HNF4G: variants seen among roughly 807,000 people sequenced by gnomAD.
HNF4G encodes hepatocyte nuclear factor 4 gamma, also known as hepatocyte nuclear factor 4-gamma.
A neutral mutation model predicts 50.9 loss-of-function variants in HNF4G; 21 were observed. The ratio of observed to expected loss-of-function variants is 0.41; its 90% CI spans 0.29 to 0.59. The LOEUF (loss-of-function observed/expected upper bound fraction) is 0.59, where lower values mean the gene tolerates loss of function less well. HNF4G is among the 20% of genes least tolerant of loss of function. The pLI, the probability that HNF4G is intolerant of heterozygous loss-of-function variation, is 0.26. For synonymous variants in HNF4G, 198 were observed against 185.6 expected (o/e 1.07, Z -0.54); for missense variants, 527 against 559.4 (o/e 0.94, Z 0.58).
At chr8:75,473,291 C>T (rs571482785) in intron 1 of HNF4G, among the ~76,000 whole-genome samples, 16 of 149,944 alleles carry the variant, frequency 1.1e-4, no homozygotes, top group South Asian at 4.2e-4. Flanking sequence ...AGCAAGACTC[C>T]GTCTCAAAAA....
At chr8:75,493,774 T>C (rs969502169) in intron 2 of HNF4G, among the ~76,000 whole-genome samples, 11 of 152,186 alleles carry the variant, frequency 7.2e-5, no homozygotes, top group Non-Finnish European at 2.9e-5. Flanking sequence ...ATATAACAAT[T>C]AGAAAACTTT....
chr8:75,478,020 T>C (rs1812280823), intron 1 of HNF4G, among the ~76,000 whole-genome samples: 1 of 147,432 alleles, frequency 6.8e-6, no homozygotes. Context: ...TAAATATACA[T>C]TGAAATTTAG....
intron 2 of HNF4G, among the ~76,000 whole-genome samples, chr8:75,523,227 A>AAAAAAAAAAAAAAAAG (rs1460303490): frequency 1.4e-4 from 22 of 152,178 alleles, no homozygotes; most frequent in African/African-American, 5.1e-4. Flanking sequence ...CCGTCTGAAA[A>AAAAAAAAAAAAAAAAG]AAAAGAAAAA....
At chr8:75,476,835 G>T (rs949019366) in intron 1 of HNF4G, among the ~76,000 whole-genome samples, 1 of 152,170 alleles carries the variant, frequency 6.6e-6, no homozygotes, top group Non-Finnish European at 1.5e-5. Flanking sequence ...GTGAATGAAT[G>T]CATGCAGTGA....
At chr8:75,550,387 A>G (rs1287483208) in intron 3 of HNF4G, among the ~76,000 whole-genome samples, 1 of 151,532 alleles carries the variant, frequency 6.6e-6, no homozygotes, top group African/African-American at 2.4e-5. Flanking sequence ...ATCTTGGCTC[A>G]CTCTGACCTT....
intron 1 of HNF4G, among the ~76,000 whole-genome samples, chr8:75,470,803 G>T (rs910462636): frequency 6.6e-6 from 1 of 152,140 alleles, no homozygotes; most frequent in Non-Finnish European, 1.5e-5. Flanking sequence ...GAAATTATTT[G>T]CTATAAGAAA....
chr8:75,434,755 A>G (rs1811097672), intron 1 of HNF4G, among the ~76,000 whole-genome samples: 1 of 152,064 alleles, frequency 6.6e-6, no homozygotes, highest in Admixed American at 6.6e-5. Flanking sequence ...TGCAGCAGGT[A>G]TTACAATGAT....
intron 2 of HNF4G, among the ~76,000 whole-genome samples, chr8:75,518,740 A>G (rs891640310): frequency 6.0e-4 from 91 of 151,616 alleles, no homozygotes; most frequent in African/African-American, 2.1e-3. Context: ...GGCCCATGAA[A>G]TCTTTTTTTT....
chr8:75,541,258 T>A (rs749869137), intron 1 of HNF4G, among the ~76,000 whole-genome samples: 1 of 152,118 alleles, frequency 6.6e-6, no homozygotes, highest in Admixed American at 6.6e-5. Flanking sequence ...AAATAACGAT[T>A]TTGTATGGCT....
intron 1 of HNF4G, among the ~76,000 whole-genome samples, chr8:75,424,033 G>A (rs1810837526): frequency 6.6e-6 from 1 of 151,286 alleles, no homozygotes; most frequent in Non-Finnish European, 1.5e-5. Context: ...ACGTTGGCCA[G>A]GATGGTCTTG....
intron 4 of HNF4G, among the ~76,000 whole-genome samples, chr8:75,551,718 C>G (rs1367855102): frequency 6.6e-6 from 1 of 152,144 alleles, no homozygotes; most frequent in Non-Finnish European, 1.5e-5. Context: ...AAACAAATTT[C>G]AGTCTAAGAT....
At chr8:75,474,238 C>A (rs1289339382) in intron 1 of HNF4G, among the ~76,000 whole-genome samples, 1 of 152,178 alleles carries the variant, frequency 6.6e-6, no homozygotes, top group Non-Finnish European at 1.5e-5. Flanking sequence ...TTAATTTGAA[C>A]ACTGACTAGA....
chr8:75,557,368 C>T (rs989534228), intron 6 of HNF4G, among the ~76,000 whole-genome samples: 3 of 152,098 alleles, frequency 2.0e-5, no homozygotes, highest in Non-Finnish European at 4.4e-5. Context: ...GCCTGTAATC[C>T]CAGCACTTTG....
At chr8:75,456,910 A>T (rs1233117264) in intron 1 of HNF4G, among the ~76,000 whole-genome samples, 22 of 149,420 alleles carry the variant, frequency 1.5e-4, no homozygotes, top group Admixed American at 1.3e-3. Flanking sequence ...CCAAAAAAAT[A>T]AAAAAAAAAT....
intron 1 of HNF4G, among the ~76,000 whole-genome samples, chr8:75,477,301 G>A (rs1812262654): frequency 6.6e-6 from 1 of 152,144 alleles, no homozygotes; most frequent in African/African-American, 2.4e-5. Context: ...TTTTAACTGT[G>A]TACTTTCAGT....
Position 75,564,513 on chromosome 8 carries a change from A to G in HNF4G, c.*417A>G, listed in dbSNP as rs1290481070. 1 of 153,406 alleles carries G rather than the reference A, an allele frequency of 6.5e-6. No individual in the cohort carries two copies. Among genetic ancestry groups the G allele is most frequent in the Admixed American group, 6.5e-5 (1 of 15,358 alleles). 9.5% of individuals were successfully genotyped at this position (153,406 alleles called of 1,614,324 possible). A position where few individuals can be genotyped will look rare whatever the true frequency, so the allele number is the denominator to read the frequency against. The stretch of plus-strand genomic sequence containing the variant: ...TCTCAGTTTAATATAAAATGAGCTA[A>G]GTTTTTAAAAATAAATTATAAACTT... On this transcript the variant is annotated 3_prime_UTR_variant, in exon 10 of 10. Transcript: ENST00000396423.
At chr8:75,434,518 A>G (rs1811092382) in intron 1 of HNF4G, among the ~76,000 whole-genome samples, 1 of 152,156 alleles carries the variant, frequency 6.6e-6, no homozygotes, top group Non-Finnish European at 1.5e-5. Context: ...GAACAACAAA[A>G]TAAACACAAA....
Position 75,563,991 on chromosome 8 carries a change from A to T in HNF4G, c.1263A>T (p.Pro421=). 1.2e-6 allele frequency: 2 copies of T among 1,613,484 alleles called. No individual in the cohort carries two copies. The highest frequency in any genetic ancestry group is 2.2e-5 in the South Asian group (2 of 91,036). The change falls in exon 10 of 10, where the codon CCA becomes CCT. Residue 421 remains proline, a synonymous_variant. Coordinates refer to ENST00000396423, the MANE Select transcript of HNF4G (RefSeq NM_004133.5). ...CTTTTTCAGCAACTCCTGAAACCCC[A>T]CTCCCTTCCCCACCACAAGGCTCTG... ...HADQISTPET[P]LPSPPQGSGQ... is the part of the protein sequence containing the mutation.
chr8:75,474,385 T>C (rs750635456), intron 1 of HNF4G, among the ~76,000 whole-genome samples: 3 of 152,200 alleles, frequency 2.0e-5, no homozygotes, highest in Non-Finnish European at 4.4e-5. Flanking sequence ...TTGTTTAATA[T>C]ACTACCATTA....
Sources: allele counts gnomAD v4.1 joint callset (sites outside exome capture counted in the v4.1 genomes callset), GRCh38; gene constraint gnomAD v4.1.1; transcripts MANE v1.5; gene names NCBI Gene and HGNC (gene_info 2026-07-23, HGNC 2026-07-21).